The following ZSCAN22 variants were observed in gnomAD, a reference collection of about 807,000 sequenced individuals.
ZSCAN22 encodes the protein zinc finger and SCAN domain-containing protein 22.
A neutral mutation model predicts 12.4 loss-of-function variants in ZSCAN22; 7 were observed. That is an observed-to-expected ratio of 0.57 (90% confidence interval 0.32 to 1.06). The LOEUF (loss-of-function observed/expected upper bound fraction) is 1.06, where lower values mean the gene tolerates loss of function less well. ZSCAN22 is among the 50% of genes least tolerant of loss of function. The pLI, the probability that ZSCAN22 is intolerant of heterozygous loss-of-function variation, is 0.04. For synonymous variants in ZSCAN22, 243 were observed against 255.9 expected (o/e 0.95, Z 0.48); for missense variants, 576 against 631.7 (o/e 0.91, Z 0.94).
intron 2 of ZSCAN22, among the ~76,000 whole-genome samples, chr19:58,337,242 C>T (rs2051809231): frequency 6.6e-6 from 1 of 152,264 alleles, no homozygotes; most frequent in African/African-American, 2.4e-5. Flanking sequence ...TGGATTCCCT[C>T]ATTCAGCCAG....
chr19:58,336,771 T>C (rs1283990821), intron 2 of ZSCAN22, among the ~76,000 whole-genome samples: 1 of 152,210 alleles, frequency 6.6e-6, no homozygotes, highest in African/African-American at 2.4e-5. Context: ...CCCACTGTGC[T>C]TGGGGCCCAG....
At chr19:58,336,523 G>T (rs944945111) in intron 2 of ZSCAN22, among the ~76,000 whole-genome samples, 2 of 152,092 alleles carry the variant, frequency 1.3e-5, no homozygotes, top group Non-Finnish European at 2.9e-5. Flanking sequence ...CTGGATAGAG[G>T]AAGGAAGGGG....
chr19:58,341,273 G>A lies in ZSCAN22; in HGVS notation c.*1947G>A, dbSNP rs2051872005. On this transcript the variant is annotated 3_prime_UTR_variant, in exon 3 of 3. Transcript: ENST00000329665. ...GGGCCCCAGATCCCCTGGTGTCATG[G>A]ACTTAGTCTTTGCCAGCATTCTGTC... 1 of 152,180 alleles carries A rather than the reference G, an allele frequency of 6.6e-6. No individual in the cohort carries two copies. The highest frequency in any genetic ancestry group is 1.5e-5 in the Non-Finnish European group (1 of 68,038). 9.4% of individuals were successfully genotyped at this position (152,180 alleles called of 1,614,324 possible). A position where few individuals can be genotyped will look rare whatever the true frequency, so the allele number is the denominator to read the frequency against.
intron 1 of ZSCAN22, among the ~76,000 whole-genome samples, chr19:58,327,507 A>G (rs1568539818): frequency 1.3e-5 from 2 of 151,930 alleles, no homozygotes; most frequent in Non-Finnish European, 2.9e-5. Flanking sequence ...GGGCGGACAG[A>G]TAACAGATAA....
chr19:58,337,908 A>T (rs2051816302), intron 2 of ZSCAN22, among the ~76,000 whole-genome samples: 1 of 152,246 alleles, frequency 6.6e-6, no homozygotes, highest in Non-Finnish European at 1.5e-5. Context: ...GCATGTGCTC[A>T]GGGTCCTGAC....
At chr19:58,331,281 A>G (rs1472017456) in intron 1 of ZSCAN22, among the ~76,000 whole-genome samples, 1 of 150,710 alleles carries the variant, frequency 6.6e-6, no homozygotes, top group African/African-American at 2.5e-5. Context: ...CAGTGGCACA[A>G]TCTCTGCTCA....
chr19:58,334,892 C>G lies in ZSCAN22; in HGVS notation c.90C>G (p.Ser30Arg), dbSNP rs563731432. The change falls in exon 2 of 3, where the codon AGC becomes AGG. Residue 30 changes from serine (S) to arginine (R), a missense_variant. Ser to Arg is a moderately radical substitution (Grantham distance 110, BLOSUM62 -1). Coordinates refer to ENST00000329665, the MANE Select transcript of ZSCAN22 (RefSeq NM_181846.3). The stretch of plus-strand genomic sequence containing the variant: ...AGGTGGAGGAGGAAGAGGAAGCCAG[C>G]CTCTCCCAGGGCGGAGAATCCAGCC... ...QVKVEEEEEASLSQGGESSHD... is the reference protein window; with the variant it reads ...QVKVEEEEEARLSQGGESSHD... The G allele has an allele frequency of 5.0e-6, 8 of 1,614,060 alleles. No individual in the cohort carries two copies. The East Asian group carries it at 1.8e-4, about 36-fold the overall frequency.
chr19:58,335,987 G>T lies in ZSCAN22; in HGVS notation c.403+782G>T, dbSNP rs980311876. Among the ~76,000 whole-genome samples the T allele has an allele frequency of 4.6e-5, 7 of 152,298 alleles. No individual in the cohort carries two copies. Among genetic ancestry groups the T allele is most frequent in the African/African-American group, 1.7e-4 (7 of 41,558 alleles). On this transcript the variant is annotated intron_variant, in intron 2 of 2. Transcript: ENST00000329665. This position sits in a 1 kb window ranked among gnomAD's most constrained non-coding sequence, Gnocchi z 4.1. ...TGGTGGCTCGTCTCAGATGGGCTTG[G>T]CCTGGCCTATTGGCAACAGATAGGA...
intron 2 of ZSCAN22, among the ~76,000 whole-genome samples, chr19:58,337,963 A>G (rs1297553715): frequency 6.6e-6 from 1 of 152,268 alleles, no homozygotes; most frequent in Non-Finnish European, 1.5e-5. Flanking sequence ...TCAGTTCCAC[A>G]TCAGGGTTTC....
rs550274189 is a variant in ZSCAN22 at position 58,342,311 on chromosome 19, A to C, written c.*2985A>C. The C allele has an allele frequency of 2.6e-5, 4 of 152,362 alleles. No homozygotes were observed. Among genetic ancestry groups the C allele is most frequent in the African/African-American group, 9.6e-5 (4 of 41,588 alleles). The allele number at this position is 152,362 out of a possible 1,614,324, so 9.4% of individuals were successfully genotyped here. Reference sequence around the variant, plus strand: ...ATCCAAATATGTCAGCAATTTCAATAAACATGACTGTACTCAACAAACCAA... The same window carrying C: ...ATCCAAATATGTCAGCAATTTCAATCAACATGACTGTACTCAACAAACCAA... On this transcript the variant is annotated 3_prime_UTR_variant, in exon 3 of 3. Transcript: ENST00000329665.
At chr19:58,327,288 G>A (rs1380603412) in intron 1 of ZSCAN22, among the ~76,000 whole-genome samples, 174 bp downstream of exon 1, 3 of 152,202 alleles carry the variant, frequency 2.0e-5, no homozygotes, top group Non-Finnish European at 2.9e-5. Flanking sequence ...CCGGACACAC[G>A]CGCAGAGGAT....
chr19:58,327,493 G>C (rs1165593961), intron 1 of ZSCAN22, among the ~76,000 whole-genome samples: 1 of 152,250 alleles, frequency 6.6e-6, no homozygotes, highest in Non-Finnish European at 1.5e-5. Context: ...ACGAAGTGTG[G>C]AGCGGGCGGA....
At chr19:58,332,462 A>G (rs1358822094) in intron 1 of ZSCAN22, among the ~76,000 whole-genome samples, 1 of 150,938 alleles carries the variant, frequency 6.6e-6, no homozygotes, top group African/African-American at 2.4e-5. Context: ...TTTAGTAGAG[A>G]CGGGGTTTCA....
chr19:58,334,716 G>A, intron 1 of ZSCAN22, 36 bp from the exon 2 acceptor site: 1 of 1,430,622 alleles, frequency 7.0e-7, no homozygotes, highest in South Asian at 1.4e-5. Flanking sequence ...CAGGGCCCAG[G>A]TTCCATGTGA....
intron 1 of ZSCAN22, among the ~76,000 whole-genome samples, chr19:58,332,833 T>G (rs1473338569): frequency 1.3e-5 from 2 of 152,218 alleles, no homozygotes; most frequent in Non-Finnish European, 2.9e-5. Context: ...GTAGAATTGC[T>G]AGGTCATGGG....
Position 58,338,233 on chromosome 19 carries a change from G to A in ZSCAN22, c.404-21G>A, listed in dbSNP as rs928890445. 3 of 1,573,890 alleles carry A rather than the reference G, an allele frequency of 1.9e-6. No individual in the cohort carries two copies. Among genetic ancestry groups the A allele is most frequent in the Admixed American group, 3.5e-5 (2 of 57,366 alleles). ...GCTTGGTGTGGTAGGAGGAGTGACAGTGTGGTTCGGACTGTTTCAGGATGG... is the reference window on the plus strand; with the variant it reads ...GCTTGGTGTGGTAGGAGGAGTGACAATGTGGTTCGGACTGTTTCAGGATGG... On this transcript the variant is annotated intron_variant, in intron 2 of 2. Transcript: ENST00000329665. The surrounding 1 kb of genome is among the most constrained non-coding windows in gnomAD (Gnocchi z 5.4).
rs1254631342 is a variant in ZSCAN22 at position 58,338,520 on chromosome 19, G to GGTGCCTCGAGGAACAGTTCTA, written c.675_695dup (p.Ser226_Ala232dup). 1 of 1,614,174 alleles carries GGTGCCTCGAGGAACAGTTCTA rather than the reference G, an allele frequency of 6.2e-7. No homozygotes were observed. The highest frequency in any genetic ancestry group is 1.7e-5 in the Admixed American group (1 of 60,010). ...CACAGACCAGCGTGGCCGTGAATCT[G>GGTGCCTCGAGGAACAGTTCTA]GTGCCTCGAGGAACAGTTCTAGTGC... On this transcript the variant is annotated inframe_insertion, in exon 3 of 3. Transcript: ENST00000329665. The surrounding 1 kb of genome is among the most constrained non-coding windows in gnomAD (Gnocchi z 5.4).
At chr19:58,330,074 G>A (rs2147981960) in intron 1 of ZSCAN22, among the ~76,000 whole-genome samples, 1 of 152,330 alleles carries the variant, frequency 6.6e-6, no homozygotes, top group South Asian at 2.1e-4. Flanking sequence ...GGAACATGAG[G>A]TCAGGAGATC....
In ZSCAN22 at chr19:58,329,539, A is replaced by G. The variant is rs16988665; in HGVS notation, c.-52+2425A>G. Among the ~76,000 whole-genome samples the G allele has an allele frequency of 0.094, 14,345 of 152,280 alleles. 1,039 individuals are homozygous for G. The highest frequency in any genetic ancestry group is 0.18 in the African/African-American group (7,532 of 41,524). On this transcript the variant is annotated intron_variant, in intron 1 of 2. Coordinates refer to ENST00000329665, the MANE Select transcript of ZSCAN22 (RefSeq NM_181846.3). The surrounding 1 kb of genome is among the most constrained non-coding windows in gnomAD (Gnocchi z 4.1). ...TTAGGGTATTCTTCCTGACTATAAG[A>G]GAAAACAAATTCACTGTGGGAAGTA... is the stretch of plus-strand genomic sequence containing the variant.
Sources: allele counts gnomAD v4.1 joint callset (sites outside exome capture counted in the v4.1 genomes callset), GRCh38; gene constraint gnomAD v4.1.1; non-coding constraint Gnocchi (gnomAD v3.1); transcripts MANE v1.5; gene names NCBI Gene and HGNC (gene_info 2026-07-23, HGNC 2026-07-21).